The following PCDHA5 variants were observed in gnomAD, a reference collection of about 807,000 sequenced individuals.
PCDHA5 encodes the protein protocadherin alpha 5, also known as protocadherin alpha-5.
Under a neutral mutation model 61.6 loss-of-function variants are expected in PCDHA5, and 43 were observed. The ratio of observed to expected loss-of-function variants is 0.70; its 90% confidence interval spans 0.55 to 0.90. The LOEUF (loss-of-function observed/expected upper bound fraction) is 0.90, where lower values mean the gene tolerates loss of function less well. PCDHA5 is among the 40% of genes least tolerant of loss of function. PCDHA5 has a pLI of 0.00. For missense variants in PCDHA5, 1,298 were observed against 1,222.7 expected (o/e 1.06, Z -0.92); for synonymous variants, 627 against 543.9 (o/e 1.15, Z -2.13).
chr5:140,907,727 C>T (rs2153502591), intron 1 of PCDHA5, among the ~76,000 whole-genome samples: 1 of 152,306 alleles, frequency 6.6e-6, no homozygotes, highest in Admixed American at 6.5e-5. Flanking sequence ...AACCTCCATC[C>T]CTGCCACCAT....
intron 1 of PCDHA5, among the ~76,000 whole-genome samples, chr5:140,833,607 C>A (rs1037062393): frequency 6.6e-6 from 1 of 152,056 alleles, no homozygotes; most frequent in East Asian, 1.9e-4. Flanking sequence ...TCTGCTAAAG[C>A]AAAAAATTCA....
chr5:140,822,095 T>C lies in PCDHA5; in HGVS notation c.320T>C (p.Val107Ala). ...RRAECSIHLE[V>A]IVDRPLQVFH... ...GCGGAGTGCAGCATCCACCTGGAGG[T>C]GATCGTGGACAGGCCGCTGCAGGTT... Residue 107 changes from valine (V) to alanine (A), a missense_variant, in exon 1 of 4, where the codon GTG (valine) becomes GCG (alanine). Physicochemically the swap from Val to Ala is moderately conservative, Grantham distance 64 (BLOSUM62 0). Transcript: ENST00000529859. 3 of 1,614,022 alleles carry C rather than the reference T, an allele frequency of 1.9e-6. No homozygotes were observed. The highest frequency in any genetic ancestry group is 2.5e-6 in the Non-Finnish European group (3 of 1,180,006).
chr5:140,829,158 C>T, intron 1 of PCDHA5: 1 of 1,614,016 alleles, frequency 6.2e-7, no homozygotes, highest in East Asian at 2.2e-5. Flanking sequence ...ACTTCCTTAT[C>T]CTTGCCTGTA....
At position 140,894,082 on chromosome 5, in the gene PCDHA5, A is replaced by C. The variant is rs2064311424; in HGVS notation, c.2352+69955A>C. On this transcript the variant is annotated intron_variant, in intron 1 of 3. Transcript: ENST00000529859. ...TTTTTAAATACATTTATTTTATTCC[A>C]GTATCTTCTAGCTCCTGGTGTTGCA... 3.3e-5 allele frequency among the ~76,000 whole-genome samples: 5 copies of C among 152,174 alleles called. No homozygotes were observed. In the South Asian group the frequency reaches 8.3e-4, roughly 25 times the overall value.
chr5:140,881,332 C>T (rs923599590), intron 1 of PCDHA5: 7 of 984,540 alleles, frequency 7.1e-6, no homozygotes, highest in South Asian at 9.4e-5. Flanking sequence ...TTAACCAGGA[C>T]GCCGATTCGG....
At chr5:140,968,986 A>ATGCTGTGGAGGC (rs782197469) in intron 1 of PCDHA5, 25 of 1,614,206 alleles carry the variant, frequency 1.5e-5, no homozygotes, top group Non-Finnish European at 1.9e-5. Flanking sequence ...ATGGCACTGC[A>ATGCTGTGGAGGC]TGCTGTGGAG....
intron 1 of PCDHA5, among the ~76,000 whole-genome samples, chr5:140,923,228 CCAGAA>C (rs2081257346): frequency 1.4e-5 from 1 of 71,808 alleles, no homozygotes; most frequent in Admixed American, 1.5e-4. Flanking sequence ...TCGTTTGAGC[CCAGAA>C]GTTTGAGACC....
At chr5:140,867,257 T>C (rs1396352368) in intron 1 of PCDHA5, 1 of 152,138 alleles carries the variant, frequency 6.6e-6, no homozygotes, top group Non-Finnish European at 1.5e-5. Flanking sequence ...TGTTGTTTCC[T>C]TTTGTTCAAA....
chr5:140,877,268 C>T, intron 1 of PCDHA5: 1 of 1,613,828 alleles, frequency 6.2e-7, no homozygotes, highest in South Asian at 1.1e-5. Flanking sequence ...GCGGTGGACG[C>T]TGACTCCGGC....
chr5:140,961,326 G>T (rs1450202899), intron 1 of PCDHA5, among the ~76,000 whole-genome samples: 1 of 152,154 alleles, frequency 6.6e-6, no homozygotes, highest in Admixed American at 6.5e-5. Flanking sequence ...TCTGTTTCTT[G>T]AGAGACCAAG....
At chr5:140,941,214 C>CCTTCCTTTCTTTCTTTCTTT (rs1554214040) in intron 1 of PCDHA5, among the ~76,000 whole-genome samples, 29 of 122,492 alleles carry the variant, frequency 2.4e-4, no homozygotes, top group South Asian at 5.9e-4. Flanking sequence ...TTTCTTTCTT[C>CCTTCCTTTCTTTCTTTCTTT]CTTTCTTTCT....
intron 3 of PCDHA5, among the ~76,000 whole-genome samples, chr5:141,001,903 A>G (rs2098043091): frequency 6.6e-6 from 1 of 152,190 alleles, no homozygotes; most frequent in African/African-American, 2.4e-5. Flanking sequence ...GGGCTGTTTG[A>G]AAAAGACTGC....
intron 1 of PCDHA5, chr5:140,835,466 G>C: frequency 6.2e-7 from 1 of 1,613,902 alleles, no homozygotes. Flanking sequence ...CTATTCCAGA[G>C]GACGCCCAAC....
Position 140,877,553 on chromosome 5 carries a change from T to C in PCDHA5, c.2352+53426T>C, listed in dbSNP as rs781933436. The C allele has an allele frequency of 1.9e-6, 3 of 1,613,720 alleles. No individual in the cohort carries two copies. The South Asian group carries it at 3.3e-5, about 18-fold the overall frequency. On this transcript the variant is annotated intron_variant, in intron 1 of 3. Coordinates refer to ENST00000529859, the MANE Select transcript of PCDHA5 (RefSeq NM_018908.3). ...GCTGTGGATCCCGAAGCGGCTCTGG[T>C]GGATATTAACGTGTACCTCATCATC...
rs576221086 is a variant in PCDHA5, at chr5:140,933,031, A to G, written c.2353-45918A>G. Among the ~76,000 whole-genome samples, 5 of 152,154 alleles carry G rather than the reference A, an allele frequency of 3.3e-5. No individual in the cohort carries two copies. The South Asian group carries it at 6.2e-4, about 19-fold the overall frequency. ...AATATTAACACTTGGCAGAACTTCAAGTGAATATGGATTACAGTCCAGGAT... is the reference window on the plus strand; with the variant it reads ...AATATTAACACTTGGCAGAACTTCAGGTGAATATGGATTACAGTCCAGGAT... On this transcript the variant is annotated intron_variant, in intron 1 of 3. Coordinates refer to ENST00000529859, the MANE Select transcript of PCDHA5 (RefSeq NM_018908.3).
rs2150360169 is a variant in PCDHA5 at position 140,843,445 on chromosome 5, C to T, written c.2352+19318C>T. The T allele has an allele frequency of 2.5e-6, 4 of 1,596,040 alleles. 1 individual carries two copies. The highest frequency in any genetic ancestry group is 1.7e-6 in the Non-Finnish European group (2 of 1,165,674). Reference sequence around the variant, plus strand: ...TGATCATCGCCATCTGCGCGGTATCCAGCCTGCTGGTGCTCACGCTGCTGC... The same window carrying T: ...TGATCATCGCCATCTGCGCGGTATCTAGCCTGCTGGTGCTCACGCTGCTGC... On this transcript the variant is annotated intron_variant, in intron 1 of 3. Coordinates refer to ENST00000529859, the MANE Select transcript of PCDHA5 (RefSeq NM_018908.3).
chr5:140,883,886 T>C, intron 1 of PCDHA5: 1 of 1,613,156 alleles, frequency 6.2e-7, no homozygotes, highest in Non-Finnish European at 8.5e-7. Flanking sequence ...CGCGCGCGAC[T>C]CTGGCGTGCC....
intron 1 of PCDHA5, among the ~76,000 whole-genome samples, chr5:140,955,017 T>G (rs1157818120): frequency 6.6e-6 from 1 of 152,186 alleles, no homozygotes. Context: ...CCAGCACCAT[T>G]TATTAAATAG....
At chr5:140,912,410 T>C (rs2075912290) in intron 1 of PCDHA5, among the ~76,000 whole-genome samples, 1 of 152,090 alleles carries the variant, frequency 6.6e-6, no homozygotes, top group Non-Finnish European at 1.5e-5. Context: ...AGCTTGGTTA[T>C]TATTGGTGTA....
Sources: allele counts gnomAD v4.1 joint callset (sites outside exome capture counted in the v4.1 genomes callset), GRCh38; gene constraint gnomAD v4.1.1; transcripts MANE v1.5; gene names NCBI Gene and HGNC (gene_info 2026-07-23, HGNC 2026-07-21).